The following EEA1 variants were observed in gnomAD, a reference collection of about 807,000 sequenced individuals.
EEA1 encodes the protein early endosome antigen 1.
A neutral mutation model predicts 209.2 loss-of-function variants in EEA1; 111 were observed. That is an observed-to-expected ratio of 0.53 (90% CI 0.45 to 0.62). The LOEUF (loss-of-function observed/expected upper bound fraction) is 0.62, where lower values mean the gene tolerates loss of function less well. Ranked by LOEUF, EEA1 falls within the 20% of genes least tolerant of loss-of-function variation. EEA1 has a pLI of 0.00. For missense variants in EEA1, 1,343 were observed against 1,530.8 expected (o/e 0.88, Z 2.05); for synonymous variants, 536 against 540.6 (o/e 0.99, Z 0.12).
intron 1 of EEA1, among the ~76,000 whole-genome samples, chr12:92,921,471 T>C (rs10859390): frequency 1.3e-3 from 139 of 105,066 alleles, no homozygotes; most frequent in African/African-American, 5.4e-3. Context: ...AAATTGGAAA[T>C]CATCATTCTC....
chr12:92,826,188 G>T lies in EEA1; in HGVS notation c.1502C>A (p.Thr501Lys). Residue 501 changes from threonine (T) to lysine (K), a missense_variant, in exon 13 of 29, where the codon ACG (threonine) becomes AAG (lysine). This residue lies in a region of EEA1 where 1,307 missense variants were observed against 1,465.5 expected (regional missense o/e 0.89). Transcript: ENST00000322349. ...QEQQALQQST[T>K]AKLREAQNDL... ...TACCTGAGCTTCTCGAAGTTTTGCC[G>T]TGGTGCTTTGCTGAAGAGCCTGTTG... is the stretch of plus-strand genomic sequence containing the variant. 6.2e-7 allele frequency: 1 copy of T among 1,613,182 alleles called. No individual in the cohort carries two copies. Among genetic ancestry groups the T allele is most frequent in the Non-Finnish European group, 8.5e-7 (1 of 1,179,402 alleles).
intron 1 of EEA1, among the ~76,000 whole-genome samples, chr12:92,901,635 T>C (rs905974769): frequency 6.6e-5 from 10 of 151,532 alleles, no homozygotes; most frequent in African/African-American, 2.4e-4. Context: ...TGGCATTATC[T>C]TGGCTCACTG....
chr12:92,922,343 TTA>T (rs1881041236), intron 1 of EEA1, among the ~76,000 whole-genome samples: 1 of 152,214 alleles, frequency 6.6e-6, no homozygotes, highest in Non-Finnish European at 1.5e-5. Flanking sequence ...TCTATCCCTC[TTA>T]TTGAAAATCA....
intron 1 of EEA1, among the ~76,000 whole-genome samples, chr12:92,893,650 T>C (rs938712009): frequency 6.6e-6 from 1 of 152,162 alleles, no homozygotes. Flanking sequence ...ACTACTGATA[T>C]AAGAAAAAAG....
At position 92,771,239 on chromosome 12, in the gene EEA1, A is replaced by G. The variant is rs1216055297; in HGVS notation, c.*4772T>C. 2 of 152,162 alleles carry G rather than the reference A, an allele frequency of 1.3e-5. No homozygotes were observed. Among genetic ancestry groups the G allele is most frequent in the South Asian group, 2.1e-4 (1 of 4,836 alleles). The allele number at this position is 152,162 out of a possible 1,614,324, so 9.4% of individuals were successfully genotyped here. On this transcript the variant is annotated 3_prime_UTR_variant, in exon 29 of 29. Coordinates refer to ENST00000322349, the MANE Select transcript of EEA1 (RefSeq NM_003566.4). ...CTTTTGCAATTTGCAAAGTGAAAGT[A>G]GTAAATTTATCAAATTTGGCTGCAA... is the stretch of plus-strand genomic sequence containing the variant.
chr12:92,794,935 A>T (rs1418013890), intron 21 of EEA1, among the ~76,000 whole-genome samples: 1 of 152,114 alleles, frequency 6.6e-6, no homozygotes, highest in Non-Finnish European at 1.5e-5. Flanking sequence ...ACCCACATGC[A>T]CAAACCCAAG....
chr12:92,871,201 A>G (rs1389029475), intron 2 of EEA1, among the ~76,000 whole-genome samples: 1 of 152,204 alleles, frequency 6.6e-6, no homozygotes, highest in African/African-American at 2.4e-5. Context: ...TTACAAATTC[A>G]CAAAAAGACA....
Position 92,927,068 on chromosome 12 carries a change from GA to G in EEA1, c.24+1974del, listed in dbSNP as rs545327306. ...AAGAAAATTAAGTACTTAACTGTGA[GA>G]AACACTTCAAACTTTCCTACTAAAG... On this transcript the variant is annotated intron_variant, in intron 1 of 28. Transcript: ENST00000322349. Among the ~76,000 whole-genome samples the G allele has an allele frequency of 3.0e-3, 464 of 152,298 alleles. 2 individuals carry two copies. Among genetic ancestry groups the G allele is most frequent in the African/African-American group, 0.011 (437 of 41,542 alleles).
chr12:92,856,461 G>C (rs1382575309), intron 5 of EEA1, among the ~76,000 whole-genome samples: 2 of 152,024 alleles, frequency 1.3e-5, no homozygotes, highest in African/African-American at 4.8e-5. Flanking sequence ...CAGAATATGA[G>C]TGTGTGTGCA....
intron 1 of EEA1, among the ~76,000 whole-genome samples, chr12:92,925,980 A>C (rs1209425832): frequency 6.6e-6 from 1 of 152,146 alleles, no homozygotes; most frequent in Non-Finnish European, 1.5e-5. Flanking sequence ...CAAAATGCTA[A>C]AGGAATGCCA....
chr12:92,846,747 G>T (rs991279883), intron 9 of EEA1, among the ~76,000 whole-genome samples: 10 of 152,152 alleles, frequency 6.6e-5, no homozygotes, highest in African/African-American at 2.4e-4. Flanking sequence ...CAGGCAAAAA[G>T]AAGTCAATGA....
At chr12:92,921,860 C>CT (rs1881015910) in intron 1 of EEA1, among the ~76,000 whole-genome samples, 1 of 108,238 alleles carries the variant, frequency 9.2e-6, no homozygotes, top group Non-Finnish European at 1.8e-5. Flanking sequence ...GAGCAAGACT[C>CT]TGTCTCAAAA....
intron 13 of EEA1, 54 bp downstream of exon 13, chr12:92,826,112 A>G: frequency 8.2e-6 from 13 of 1,583,324 alleles, no homozygotes; most frequent in Non-Finnish European, 1.1e-5. Context: ...CTTATATTCT[A>G]TGTAATGGTA....
At chr12:92,888,435 G>C (rs992432438) in intron 2 of EEA1, among the ~76,000 whole-genome samples, 13 of 152,140 alleles carry the variant, frequency 8.5e-5, no homozygotes, top group African/African-American at 3.1e-4. Flanking sequence ...AAATTAGCCG[G>C]GTGTGGTGGC....
In EEA1 at chr12:92,824,285, G is replaced by T. The variant is rs1007716710; in HGVS notation, c.1524+1881C>A. Among the ~76,000 whole-genome samples the T allele has an allele frequency of 2.6e-5, 4 of 152,226 alleles. 1 individual carries two copies. The highest frequency in any genetic ancestry group is 2.6e-4 in the Admixed American group (4 of 15,288). ...TCTAATCCAAGCTACATCATTTCTT[G>T]TCTGGATTATTGTAGTAGCCTTTTA... is the stretch of plus-strand genomic sequence containing the variant. On this transcript the variant is annotated intron_variant, in intron 13 of 28. Transcript: ENST00000322349.
intron 1 of EEA1, among the ~76,000 whole-genome samples, chr12:92,905,749 C>T (rs962221240): frequency 6.6e-6 from 1 of 152,136 alleles, no homozygotes; most frequent in African/African-American, 2.4e-5. Flanking sequence ...TGAGAAAGAA[C>T]AGCACTTTAC....
chr12:92,831,626 T>G (rs1258797668), intron 11 of EEA1, among the ~76,000 whole-genome samples: 14 of 146,850 alleles, frequency 9.5e-5, no homozygotes, highest in Non-Finnish European at 1.6e-4. Context: ...ATAATATATA[T>G]TTCATAAATA....
In EEA1 at chr12:92,772,762, A is replaced by G. The variant is rs10735304; in HGVS notation, c.*3249T>C. ...AACACAATACAAATAATGAACCCAA[A>G]AACTAAATGAGAAAATGTTCATGCA... On this transcript the variant is annotated 3_prime_UTR_variant, in exon 29 of 29. Coordinates refer to ENST00000322349, the MANE Select transcript of EEA1 (RefSeq NM_003566.4). 0.62 allele frequency: 93,845 copies of G among 151,884 alleles called. 29,822 individuals carry two copies. The highest frequency in any genetic ancestry group is 0.94 in the East Asian group (4,855 of 5,176). The allele number at this position is 151,884 out of a possible 1,614,324, so 9.4% of individuals were successfully genotyped here.
At chr12:92,810,005 T>C (rs937782134) in intron 17 of EEA1, among the ~76,000 whole-genome samples, 1 of 152,206 alleles carries the variant, frequency 6.6e-6, no homozygotes, top group African/African-American at 2.4e-5. Flanking sequence ...GATGACATTG[T>C]TGTTCTTCAG....
Sources: allele counts gnomAD v4.1 joint callset (sites outside exome capture counted in the v4.1 genomes callset), GRCh38; gene constraint gnomAD v4.1.1; regional missense constraint gnomAD v4.1.1; transcripts MANE v1.5; gene names NCBI Gene and HGNC (gene_info 2026-07-23, HGNC 2026-07-21).